Variants in GLIS3 observed in about 807,000 individuals in gnomAD.
GLIS3 encodes GLIS family zinc finger 3.
GLIS3 carries 53 observed loss-of-function variants against 78.6 expected under a neutral mutation model. The ratio of observed to expected loss-of-function variants is 0.67; its 90% CI spans 0.54 to 0.85. GLIS3 has a LOEUF of 0.85. Among genes scored for constraint, GLIS3 ranks in the 40% least tolerant of loss-of-function variants. GLIS3 has a pLI of 0.00. For synonymous variants in GLIS3, 684 were observed against 509.9 expected (o/e 1.34, Z -4.60); for missense variants, 1,703 against 1,231.1 (o/e 1.38, Z -5.74).
intron 2 of GLIS3, among the ~76,000 whole-genome samples, chr9:4,142,956 C>A (rs953304370): frequency 6.6e-6 from 1 of 152,138 alleles, no homozygotes; most frequent in Admixed American, 6.5e-5. Context: ...CCAAATTTCA[C>A]AGGTATCCGC....
chr9:4,423,186 G>C, the GLIS3 span, among the ~76,000 whole-genome samples: 2 of 152,056 alleles, frequency 1.3e-5, no homozygotes, highest in South Asian at 4.1e-4. Flanking sequence ...TAAACAACAA[G>C]TGCCGATTAT....
At chr9:4,193,160 C>T (rs1306083452) in intron 2 of GLIS3, among the ~76,000 whole-genome samples, 1 of 152,200 alleles carries the variant, frequency 6.6e-6, no homozygotes, top group African/African-American at 2.4e-5. Context: ...ACTTGGTCAG[C>T]AAAACTATAG....
At chr9:4,416,118 G>A in the GLIS3 span, among the ~76,000 whole-genome samples, 1 of 151,618 alleles carries the variant, frequency 6.6e-6, no homozygotes, top group East Asian at 1.9e-4. Context: ...CAGGTGCAGT[G>A]GCTCATGCCT....
rs564819773 is a variant in GLIS3, at chr9:4,197,919, GAGGGGA to G, written c.389-71984_389-71979del. Among the ~76,000 whole-genome samples the G allele has an allele frequency of 2.4e-3, 365 of 151,764 alleles. 1 individual carries two copies. The highest frequency in any genetic ancestry group is 8.1e-3 in the African/African-American group (338 of 41,492). On this transcript the variant is annotated intron_variant, in intron 2 of 10. Coordinates refer to ENST00000381971, the MANE Select transcript of GLIS3 (RefSeq NM_001042413.2). ...TCTACAATCACGCCCCCTAGGAAGG[GAGGGGA>G]AAGGGAAAGGGAGAGGGAAAGAGAA... is the stretch of plus-strand genomic sequence containing the variant.
At chr9:3,834,202 C>T (rs1440606022) in intron 9 of GLIS3, among the ~76,000 whole-genome samples, 1 of 152,120 alleles carries the variant, frequency 6.6e-6, no homozygotes, top group Non-Finnish European at 1.5e-5. Flanking sequence ...TTAAAGAGTT[C>T]ACGGTCCCTT....
At chr9:4,315,341 C>A (rs75571015) in intron 2 of GLIS3, among the ~76,000 whole-genome samples, 1 of 152,100 alleles carries the variant, frequency 6.6e-6, no homozygotes, top group Non-Finnish European at 1.5e-5. Context: ...AATGGTTTGC[C>A]GGGAGACTCT....
chr9:3,934,288 A>G (rs1020627127), intron 5 of GLIS3, among the ~76,000 whole-genome samples: 13 of 152,216 alleles, frequency 8.5e-5, no homozygotes, highest in African/African-American at 2.9e-4. Flanking sequence ...TTATGCTTTG[A>G]GCATTAGAGG....
intron 2 of GLIS3, among the ~76,000 whole-genome samples, chr9:4,260,817 G>T (rs1825453785): frequency 6.6e-6 from 1 of 152,080 alleles, no homozygotes; most frequent in Admixed American, 6.6e-5. Flanking sequence ...AATACTTCTG[G>T]CTCATTACTG....
chr9:4,219,318 TA>T (rs1337194181), intron 2 of GLIS3, among the ~76,000 whole-genome samples: 3 of 152,224 alleles, frequency 2.0e-5, no homozygotes, highest in South Asian at 4.1e-4. Flanking sequence ...TGCCATGTTT[TA>T]ACTTAGAACT....
chr9:4,065,279 G>C (rs1003017634), intron 4 of GLIS3, among the ~76,000 whole-genome samples: 1 of 152,070 alleles, frequency 6.6e-6, no homozygotes, highest in African/African-American at 2.4e-5. Flanking sequence ...CACAGCCCAA[G>C]GCAGAAAAAG....
intron 4 of GLIS3, among the ~76,000 whole-genome samples, chr9:4,042,394 G>A (rs369296123): frequency 1.3e-5 from 2 of 152,318 alleles, no homozygotes; most frequent in East Asian, 3.9e-4. Flanking sequence ...TGGATATTCT[G>A]AGAGCTGCTT....
At chr9:4,150,885 T>C (rs1474092828) in intron 2 of GLIS3, 3 of 152,196 alleles carry the variant, frequency 2.0e-5, no homozygotes, top group African/African-American at 4.8e-5. Flanking sequence ...TTCTAATGTA[T>C]CCTACTACTT....
At chr9:4,296,062 C>G (rs1816474016) in intron 1 of GLIS3, among the ~76,000 whole-genome samples, 1 of 152,012 alleles carries the variant, frequency 6.6e-6, no homozygotes, top group Non-Finnish European at 1.5e-5. Flanking sequence ...ATAATGCCCT[C>G]TACAGAAAAT....
chr9:4,476,503 A>T, the GLIS3 span, among the ~76,000 whole-genome samples: 2 of 152,068 alleles, frequency 1.3e-5, no homozygotes, highest in Admixed American at 6.6e-5. Context: ...CCGGGATTAC[A>T]GGTGCCTGCC....
chr9:4,320,045 T>C (rs1285951602), intron 2 of GLIS3, among the ~76,000 whole-genome samples: 3 of 151,230 alleles, frequency 2.0e-5, no homozygotes, highest in African/African-American at 7.3e-5. Flanking sequence ...AAGAGTCAAA[T>C]TAGTTGCTAA....
chr9:4,408,529 C>G, the GLIS3 span, among the ~76,000 whole-genome samples: 1 of 151,314 alleles, frequency 6.6e-6, no homozygotes, highest in Non-Finnish European at 1.5e-5. Context: ...GAGATCGAGA[C>G]CATCCTGGCT....
intron 4 of GLIS3, among the ~76,000 whole-genome samples, chr9:4,086,397 C>G (rs2130727096): frequency 6.6e-6 from 1 of 152,272 alleles, no homozygotes; most frequent in African/African-American, 2.4e-5. Context: ...TATTCCAAGC[C>G]ATAACTTTAT....
intron 2 of GLIS3, among the ~76,000 whole-genome samples, chr9:4,272,497 G>A (rs1826608346): frequency 6.6e-6 from 1 of 152,078 alleles, no homozygotes; most frequent in Non-Finnish European, 1.5e-5. Context: ...GCTTGGGCAA[G>A]TTTCTTAATC....
chr9:3,893,934 C>T (rs1211109042), intron 7 of GLIS3, among the ~76,000 whole-genome samples: 1 of 151,354 alleles, frequency 6.6e-6, no homozygotes, highest in Non-Finnish European at 1.5e-5. Flanking sequence ...CCAGTGCCTA[C>T]AACAGAGAAG....
Sources: allele counts gnomAD v4.1 joint callset (sites outside exome capture counted in the v4.1 genomes callset), GRCh38; gene constraint gnomAD v4.1.1; transcripts MANE v1.5; gene names NCBI Gene and HGNC (gene_info 2026-07-23, HGNC 2026-07-21).